GADL1: variants seen among roughly 807,000 people sequenced by gnomAD.
GADL1 encodes GAD like acidic amino acid decarboxylase 1, also known as acidic amino acid decarboxylase GADL1.
In GADL1, 71 loss-of-function variants were observed where a neutral mutation model predicts 69.5. That is an observed-to-expected ratio of 1.02 (90% confidence interval 0.84 to 1.25). The LOEUF (loss-of-function observed/expected upper bound fraction) is 1.25. Among genes scored for constraint, GADL1 ranks in the 50% most tolerant of loss-of-function variants. The pLI, the probability that GADL1 is intolerant of heterozygous loss-of-function variation, is 0.00. For missense variants in GADL1, 737 were observed against 631.8 expected (o/e 1.17, Z -1.79); for synonymous variants, 254 against 214.4 (o/e 1.18, Z -1.62).
At chr3:30,785,768 A>ATTG (rs1696775535) in intron 13 of GADL1, among the ~76,000 whole-genome samples, 1 of 152,188 alleles carries the variant, frequency 6.6e-6, no homozygotes, top group African/African-American at 2.4e-5. Flanking sequence ...ATATACTATA[A>ATTG]CAAAATCTAA....
intron 1 of GADL1, among the ~76,000 whole-genome samples, chr3:30,884,636 G>T (rs1698680527): frequency 6.6e-6 from 1 of 151,864 alleles, no homozygotes; most frequent in Non-Finnish European, 1.5e-5. Context: ...CCCTTTTTCA[G>T]TTACACTATA....
intron 14 of GADL1, among the ~76,000 whole-genome samples, chr3:30,777,048 G>T (rs985657847): frequency 6.6e-6 from 1 of 152,006 alleles, no homozygotes; most frequent in South Asian, 2.1e-4. Context: ...GGTACTTCTT[G>T]GTTACCTTGT....
At chr3:30,784,316 T>G (rs1696740624) in intron 13 of GADL1, among the ~76,000 whole-genome samples, 1 of 152,194 alleles carries the variant, frequency 6.6e-6, no homozygotes, top group Non-Finnish European at 1.5e-5. Context: ...TTATGCCTCT[T>G]CGGTCTCTTT....
intron 8 of GADL1, among the ~76,000 whole-genome samples, chr3:30,843,846 A>G (rs1698009866): frequency 6.6e-6 from 1 of 152,180 alleles, no homozygotes; most frequent in Admixed American, 6.5e-5. Flanking sequence ...GATTTCTCAG[A>G]GGGAGGAATT....
chr3:30,758,894 G>T (rs911778094), intron 14 of GADL1, among the ~76,000 whole-genome samples: 2 of 152,112 alleles, frequency 1.3e-5, no homozygotes, highest in African/African-American at 2.4e-5. Context: ...ATATATAGGG[G>T]ATTTGAGTCA....
intron 1 of GADL1, among the ~76,000 whole-genome samples, chr3:30,880,298 T>G (rs1480315593): frequency 6.6e-6 from 1 of 151,898 alleles, no homozygotes; most frequent in South Asian, 2.1e-4. Flanking sequence ...ACAGGTTATA[T>G]GCTGATATGG....
At chr3:30,793,910 T>A (rs1469914877) in intron 12 of GADL1, among the ~76,000 whole-genome samples, 1 of 152,168 alleles carries the variant, frequency 6.6e-6, no homozygotes, top group Non-Finnish European at 1.5e-5. Flanking sequence ...CTCCTGAGAT[T>A]TTTCCATCTG....
At chr3:30,776,362 T>A (rs1237103271) in intron 14 of GADL1, among the ~76,000 whole-genome samples, 1 of 152,226 alleles carries the variant, frequency 6.6e-6, no homozygotes, top group African/African-American at 2.4e-5. Context: ...GAAAAAATGT[T>A]CCTCTAAACT....
At chr3:30,826,053 C>CT (rs1195485529) in intron 11 of GADL1, among the ~76,000 whole-genome samples, 2 of 151,892 alleles carry the variant, frequency 1.3e-5, no homozygotes, top group Non-Finnish European at 2.9e-5. Flanking sequence ...GCACAGCATG[C>CT]TTATTATGGC....
chr3:30,763,359 CAAGTA>C (rs1696187213), intron 14 of GADL1, among the ~76,000 whole-genome samples: 1 of 151,884 alleles, frequency 6.6e-6, no homozygotes, highest in African/African-American at 2.4e-5. Context: ...AAAAATTAAC[CAAGTA>C]TAGTGGCCGG....
intron 11 of GADL1, among the ~76,000 whole-genome samples, chr3:30,809,485 A>G (rs899063801): frequency 7.2e-5 from 11 of 152,210 alleles, no homozygotes; most frequent in Admixed American, 3.9e-4. Context: ...GGTTCAAATC[A>G]TGATATAAAC....
chr3:30,738,689 T>C (rs945557380), intron 14 of GADL1, among the ~76,000 whole-genome samples: 2 of 152,206 alleles, frequency 1.3e-5, no homozygotes, highest in Admixed American at 1.3e-4. Context: ...CCAATATTTC[T>C]GAATATTGTG....
intron 11 of GADL1, among the ~76,000 whole-genome samples, chr3:30,807,899 G>T (rs748475427): frequency 1.3e-5 from 2 of 152,062 alleles, no homozygotes; most frequent in African/African-American, 4.8e-5. Flanking sequence ...AGGTATGGTG[G>T]CACATGACTG....
intron 14 of GADL1, among the ~76,000 whole-genome samples, chr3:30,733,323 G>C (rs978466529): frequency 2.0e-5 from 3 of 152,108 alleles, no homozygotes; most frequent in South Asian, 2.1e-4. Flanking sequence ...TGCTGCTGTG[G>C]CTTTCTTCCA....
intron 11 of GADL1, among the ~76,000 whole-genome samples, chr3:30,806,411 TAA>T (rs1485820966): frequency 5.3e-5 from 8 of 152,272 alleles, no homozygotes; most frequent in South Asian, 4.1e-4. Flanking sequence ...AGGTTGCAAA[TAA>T]AAGACTTGGC....
intron 1 of GADL1, among the ~76,000 whole-genome samples, chr3:30,881,372 G>A (rs1018275609): frequency 2.2e-4 from 34 of 151,766 alleles, no homozygotes; most frequent in African/African-American, 7.5e-4. Flanking sequence ...ATTTTCAGAG[G>A]CAACCTAAAT....
intron 1 of GADL1, among the ~76,000 whole-genome samples, chr3:30,875,084 C>T (rs1232922938): frequency 1.3e-5 from 2 of 151,640 alleles, no homozygotes; most frequent in African/African-American, 4.8e-5. Context: ...AAAGTAATAC[C>T]AGCTTTGAAG....
chr3:30,761,664 T>C (rs1376157757), intron 14 of GADL1, among the ~76,000 whole-genome samples: 1 of 151,922 alleles, frequency 6.6e-6, no homozygotes, highest in African/African-American at 2.4e-5. Context: ...GTAGTAACTT[T>C]TTAAAAAAGG....
At chr3:30,734,092 T>A (rs1342810664) in intron 14 of GADL1, among the ~76,000 whole-genome samples, 1 of 152,202 alleles carries the variant, frequency 6.6e-6, no homozygotes, top group Non-Finnish European at 1.5e-5. Context: ...AAGCATGAAA[T>A]TCTTTTATTT....
Sources: allele counts gnomAD v4.1 joint callset (sites outside exome capture counted in the v4.1 genomes callset), GRCh38; gene constraint gnomAD v4.1.1; transcripts MANE v1.5; gene names NCBI Gene and HGNC (gene_info 2026-07-23, HGNC 2026-07-21).